Variants in IL21R observed in about 807,000 individuals in gnomAD.
IL21R encodes interleukin-21 receptor.
IL21R carries 14 observed loss-of-function variants against 41.3 expected under a neutral mutation model. The ratio of observed to expected loss-of-function variants is 0.34; its 90% CI spans 0.22 to 0.53. The LOEUF is 0.53. Among genes scored for constraint, IL21R ranks in the 20% least tolerant of loss-of-function variants. IL21R has a pLI of 0.94. For synonymous variants in IL21R, 286 were observed against 287.6 expected (o/e 0.99, Z 0.05); for missense variants, 588 against 681.6 (o/e 0.86, Z 1.53).
chr16:27,430,271 A>G, intron 2 of IL21R, 151 bp downstream of exon 2: 3 of 639,148 alleles, frequency 4.7e-6, no homozygotes, highest in Non-Finnish European at 8.1e-6. Context: ...ACACGAGTCC[A>G]GTAGCCGGCT....
chr16:27,427,455 G>T, intron 1 of IL21R: 1 of 374,294 alleles, frequency 2.7e-6, no homozygotes, highest in Non-Finnish European at 3.7e-6. Context: ...GAGTGCAATA[G>T]TGCAATCATG....
chr16:27,418,648 G>A (rs188869650), intron 1 of IL21R, among the ~76,000 whole-genome samples: 2 of 152,156 alleles, frequency 1.3e-5, no homozygotes, highest in Non-Finnish European at 1.5e-5. Flanking sequence ...GGGATTACAG[G>A]CATGAGCCGC....
intron 1 of IL21R, among the ~76,000 whole-genome samples, chr16:27,405,035 T>G (rs1008557665): frequency 6.6e-6 from 1 of 151,660 alleles, no homozygotes; most frequent in African/African-American, 2.4e-5. Flanking sequence ...CTTTTTTTTT[T>G]TTTTAATTTT....
At chr16:27,411,359 T>G (rs956605089) in intron 1 of IL21R, among the ~76,000 whole-genome samples, 1 of 152,060 alleles carries the variant, frequency 6.6e-6, no homozygotes, top group Admixed American at 6.6e-5. Flanking sequence ...TTAATTTGTA[T>G]TTCCCTGATG....
intron 1 of IL21R, among the ~76,000 whole-genome samples, chr16:27,417,163 C>CTTTTTTTTTTTTTTTTTTTTTT (rs577149386): frequency 1.6e-5 from 2 of 126,624 alleles, no homozygotes; most frequent in Non-Finnish European, 3.2e-5. Flanking sequence ...TTTTTCTTTT[C>CTTTTTTTTTTTTTTTTTTTTTT]TTTTTTTTTT....
rs1486846678 is a variant in IL21R at position 27,449,118 on chromosome 16, C to T, written c.1452C>T (p.Gly484=). Residue 484 remains glycine (G), a synonymous_variant, in exon 9 of 9, where the codon GGC becomes GGT. Transcript: ENST00000337929. ...SESEAGSPLA[G]LDMDTFDSGF... ...GTGAGGCGGGCTCACCCCTGGCCGG[C>T]CTGGATATGGACACGTTTGACAGTG... is the stretch of plus-strand genomic sequence containing the variant. 2 of 1,613,548 alleles carry T rather than the reference C, an allele frequency of 1.2e-6. No individual in the cohort carries two copies. The highest frequency in any genetic ancestry group is 4.5e-5 in the East Asian group (2 of 44,880).
In IL21R at chr16:27,449,727, T is replaced by G; in HGVS notation, c.*444T>G. 1 of 243,134 alleles carries G rather than the reference T, an allele frequency of 4.1e-6. No individual in the cohort carries two copies. Among genetic ancestry groups the G allele is most frequent in the Non-Finnish European group, 8.1e-6 (1 of 124,090 alleles). The allele number at this position is 243,134 out of a possible 1,614,324, so 15.1% of individuals were successfully genotyped here. On this transcript the variant is annotated 3_prime_UTR_variant, in exon 9 of 9. Coordinates refer to ENST00000337929, the MANE Select transcript of IL21R (RefSeq NM_181078.3). ...TCCGGGGCTTTGTGGGATCAGGGCA[T>G]TGCCTGTGACTGAGGCGGAGCCCAG...
chr16:27,447,985 G>A (rs919325272), intron 8 of IL21R: 4 of 153,224 alleles, frequency 2.6e-5, no homozygotes, highest in African/African-American at 4.8e-5. Flanking sequence ...CTACAAGTAG[G>A]GAAACTGAGG....
intron 2 of IL21R, among the ~76,000 whole-genome samples, chr16:27,433,376 G>C (rs987225249): frequency 6.6e-6 from 1 of 152,118 alleles, no homozygotes; most frequent in East Asian, 1.9e-4. Flanking sequence ...TGAAGTGGGA[G>C]GACTGCTTGA....
In IL21R at chr16:27,443,013, A is replaced by G; in HGVS notation, c.404A>G (p.Asn135Ser). 9 of 1,613,890 alleles carry G rather than the reference A, an allele frequency of 5.6e-6. No homozygotes were observed. The highest frequency in any genetic ancestry group is 5.9e-6 in the Non-Finnish European group (7 of 1,179,838). Reference sequence around the variant, plus strand: ...ACTGTGACCTTCTCAGGACAGTATAATATCTCCTGGCGCTCAGATTACGAA... The same window carrying G: ...ACTGTGACCTTCTCAGGACAGTATAGTATCTCCTGGCGCTCAGATTACGAA... Reference protein sequence around the residue: ...NVTVTFSGQYNISWRSDYEDP... With the variant: ...NVTVTFSGQYSISWRSDYEDP... Residue 135 changes from asparagine to serine, a missense_variant, in exon 5 of 9, where the codon AAT becomes AGT. Transcript: ENST00000337929.
chr16:27,449,996 A>T lies in IL21R; in HGVS notation c.*713A>T, dbSNP rs1367864443. 1 of 232,724 alleles carries T rather than the reference A, an allele frequency of 4.3e-6. No homozygotes were observed. Among genetic ancestry groups the T allele is most frequent in the African/African-American group, 2.2e-5 (1 of 45,308 alleles). The allele number at this position is 232,724 out of a possible 1,614,324, so 14.4% of individuals were successfully genotyped here. On this transcript the variant is annotated 3_prime_UTR_variant, in exon 9 of 9. Coordinates refer to ENST00000337929, the MANE Select transcript of IL21R (RefSeq NM_181078.3). ...CCAGACAGTGGGGAAGGCATGACAC[A>T]CCTGGGGGAAATTGGCGATGTCACC...
intron 1 of IL21R, among the ~76,000 whole-genome samples, chr16:27,403,428 T>A (rs1369576453): frequency 1.3e-5 from 2 of 152,076 alleles, no homozygotes; most frequent in Non-Finnish European, 2.9e-5. Flanking sequence ...AGGAGGCTGC[T>A]GCGAGGAGGA....
intron 8 of IL21R, 189 bp from the exon 9 acceptor site, chr16:27,448,345 C>T (rs987521184): frequency 3.0e-5 from 18 of 606,144 alleles, no homozygotes; most frequent in Admixed American, 2.4e-4. Context: ...GTCCCAGCTA[C>T]TTGGGAGGCT....
At position 27,449,434 on chromosome 16, in the gene IL21R, G is replaced by A; in HGVS notation, c.*151G>A. ...GTTTACAGTGTCTGTGTGTGTGTGTGCATATGTGTGTGTGTGCATATGCAT... is the reference window on the plus strand; with the variant it reads ...GTTTACAGTGTCTGTGTGTGTGTGTACATATGTGTGTGTGTGCATATGCAT... On this transcript the variant is annotated 3_prime_UTR_variant, in exon 9 of 9. Transcript: ENST00000337929. 1.4e-6 allele frequency: 1 copy of A among 729,400 alleles called. No homozygotes were observed. The highest frequency in any genetic ancestry group is 1.8e-5 in the African/African-American group (1 of 55,720). 45.2% of individuals were successfully genotyped at this position (729,400 alleles called of 1,614,324 possible). A position where few individuals can be genotyped will look rare whatever the true frequency, so the allele number is the denominator to read the frequency against.
chr16:27,425,564 T>G (rs900400361), intron 1 of IL21R, among the ~76,000 whole-genome samples: 1 of 152,024 alleles, frequency 6.6e-6, no homozygotes, highest in African/African-American at 2.4e-5. Context: ...GTTTTGTTTT[T>G]TTTTGAGACA....
intron 4 of IL21R, among the ~76,000 whole-genome samples, chr16:27,438,742 C>G (rs986924223): frequency 6.6e-6 from 1 of 151,812 alleles, no homozygotes; most frequent in African/African-American, 2.4e-5. Context: ...TGGTGGCACA[C>G]GCCCGTAATC....
At chr16:27,433,497 TAA>T (rs1490620916) in intron 2 of IL21R, among the ~76,000 whole-genome samples, 2 of 152,104 alleles carry the variant, frequency 1.3e-5, no homozygotes, top group Non-Finnish European at 2.9e-5. Flanking sequence ...AAGTTTCTAG[TAA>T]ATAGCAGCAA....
chr16:27,422,605 A>G (rs1396684718), intron 1 of IL21R, among the ~76,000 whole-genome samples: 2 of 152,126 alleles, frequency 1.3e-5, no homozygotes, highest in East Asian at 3.8e-4. Context: ...CAGTTATTAT[A>G]TTTTTCAGTT....
At chr16:27,416,800 G>C (rs1207035333) in intron 1 of IL21R, among the ~76,000 whole-genome samples, 1 of 152,052 alleles carries the variant, frequency 6.6e-6, no homozygotes, top group Non-Finnish European at 1.5e-5. Context: ...TCAGCTCCTG[G>C]CAACCACTAA....
Sources: gnomAD v4.1 joint callset for allele counts (sites outside exome capture counted in the v4.1 genomes callset) on GRCh38, gnomAD v4.1.1 for gene constraint, MANE v1.5 for transcripts, NCBI Gene and HGNC (gene_info 2026-07-23, HGNC 2026-07-21) for gene names.